Variants in CAMKMT observed in about 807,000 individuals in gnomAD.
CAMKMT encodes calmodulin-lysine N-methyltransferase, also known as CaM KMT.
CAMKMT carries 53 observed loss-of-function variants against 48.0 expected under a neutral mutation model. That is an observed-to-expected ratio of 1.10 (90% CI 0.89 to 1.39). The LOEUF (loss-of-function observed/expected upper bound fraction) is 1.39. Ranked by LOEUF, CAMKMT falls within the 40% of genes most tolerant of loss-of-function variation. CAMKMT has a pLI of 0.00. For missense variants in CAMKMT, 428 were observed against 402.7 expected (o/e 1.06, Z -0.54); for synonymous variants, 165 against 152.3 (o/e 1.08, Z -0.61).
At chr2:44,739,488 G>A (rs1679549269) in intron 7 of CAMKMT, among the ~76,000 whole-genome samples, 1 of 152,200 alleles carries the variant, frequency 6.6e-6, no homozygotes, top group Admixed American at 6.5e-5. Context: ...TAGGGAAAAT[G>A]ATTGGGAATT....
chr2:44,682,042 G>A (rs1004761064), intron 3 of CAMKMT, among the ~76,000 whole-genome samples: 1 of 152,206 alleles, frequency 6.6e-6, no homozygotes, highest in Non-Finnish European at 1.5e-5. Flanking sequence ...CATGCCAGCA[G>A]TTAAAAATAT....
chr2:44,562,200 C>G (rs1558704446), intron 3 of CAMKMT, among the ~76,000 whole-genome samples: 1 of 152,124 alleles, frequency 6.6e-6, no homozygotes, highest in Non-Finnish European at 1.5e-5. Flanking sequence ...AGAGCCATGT[C>G]CCCCTTCCCA....
At chr2:44,415,293 A>G (rs1312398056) in intron 3 of CAMKMT, among the ~76,000 whole-genome samples, 6 of 152,258 alleles carry the variant, frequency 3.9e-5, no homozygotes, top group Admixed American at 3.9e-4. Flanking sequence ...AAGAGTACTT[A>G]AAGAAAATGA....
At chr2:44,607,992 C>G (rs1373991583) in intron 3 of CAMKMT, among the ~76,000 whole-genome samples, 1 of 151,576 alleles carries the variant, frequency 6.6e-6, no homozygotes, top group Admixed American at 6.6e-5. Flanking sequence ...TATGTAAAAT[C>G]ACATACCAGG....
At chr2:44,473,400 T>C (rs567846806) in intron 3 of CAMKMT, among the ~76,000 whole-genome samples, 72 of 152,322 alleles carry the variant, frequency 4.7e-4, no homozygotes, top group Middle Eastern at 3.4e-3. Flanking sequence ...AATCCCATTA[T>C]TGAAGAAGGA....
Position 44,482,289 on chromosome 2 carries a change from T to C in CAMKMT, c.376+91984T>C, listed in dbSNP as rs937921609. Among the ~76,000 whole-genome samples the C allele has an allele frequency of 4.6e-5, 7 of 152,272 alleles. No homozygotes were observed. In the South Asian group the frequency reaches 1.0e-3, roughly 23 times the overall value. ...TTAACCTAGTGTCCATGTGTACGTA[T>C]TGTACATATGACTAGTTTTGTAAGC... On this transcript the variant is annotated intron_variant, in intron 3 of 10. Transcript: ENST00000378494.
chr2:44,646,595 G>C (rs1005338902), intron 3 of CAMKMT, among the ~76,000 whole-genome samples: 3 of 152,088 alleles, frequency 2.0e-5, no homozygotes, highest in African/African-American at 7.2e-5. Flanking sequence ...TTTATACTAA[G>C]GTGAACATTT....
intron 3 of CAMKMT, among the ~76,000 whole-genome samples, chr2:44,430,214 T>C (rs1249234891): frequency 6.6e-6 from 1 of 152,146 alleles, no homozygotes; most frequent in Non-Finnish European, 1.5e-5. Context: ...CCCAAACATA[T>C]GATCTCCATC....
intron 8 of CAMKMT, 100 bp downstream of exon 8, chr2:44,743,796 A>G: frequency 1.2e-6 from 1 of 812,266 alleles, no homozygotes. Context: ...AAGTCAACAA[A>G]TGAAGCACAA....
chr2:44,758,003 T>C (rs1433056272), intron 9 of CAMKMT, among the ~76,000 whole-genome samples: 2 of 152,230 alleles, frequency 1.3e-5, no homozygotes, highest in East Asian at 3.9e-4. Context: ...ACATGTATCC[T>C]GAACACCTGT....
At chr2:44,524,223 A>G (rs1258752875) in intron 3 of CAMKMT, among the ~76,000 whole-genome samples, 3 of 152,144 alleles carry the variant, frequency 2.0e-5, no homozygotes, top group African/African-American at 7.2e-5. Context: ...GGGGACATAG[A>G]ATATAAAAAA....
At chr2:44,373,632 G>A (rs1279219594) in intron 2 of CAMKMT, among the ~76,000 whole-genome samples, 1 of 152,108 alleles carries the variant, frequency 6.6e-6, no homozygotes, top group African/African-American at 2.4e-5. Context: ...GACTGAATAA[G>A]GTTTAGGTGA....
intron 10 of CAMKMT, among the ~76,000 whole-genome samples, chr2:44,768,361 A>ATATATATATATATATTTTT (rs35058824): frequency 3.0e-4 from 35 of 115,704 alleles, no homozygotes; most frequent in African/African-American, 1.3e-3. Flanking sequence ...ATATATATAT[A>ATATATATATATATATTTTT]TTTTTTTTTT....
chr2:44,555,983 GA>G (rs771435264), intron 3 of CAMKMT, among the ~76,000 whole-genome samples: 1 of 152,168 alleles, frequency 6.6e-6, no homozygotes, highest in Non-Finnish European at 1.5e-5. Context: ...GAGTGAATGG[GA>G]GGAGCAGAAG....
At chr2:44,630,088 A>G (rs7583827) in intron 3 of CAMKMT, among the ~76,000 whole-genome samples, 89,249 of 148,770 alleles carry the variant, frequency 0.6, 27,276 homozygotes, top group Middle Eastern at 0.7. Flanking sequence ...CAGAAATAAC[A>G]CCACATATCT....
At chr2:44,458,113 C>T (rs1220112046) in intron 3 of CAMKMT, among the ~76,000 whole-genome samples, 1 of 135,968 alleles carries the variant, frequency 7.4e-6, no homozygotes, top group African/African-American at 2.8e-5. Context: ...GTGGTGCATT[C>T]TCGGCTCACT....
At chr2:44,511,239 T>G (rs1056237924) in intron 3 of CAMKMT, among the ~76,000 whole-genome samples, 4 of 152,230 alleles carry the variant, frequency 2.6e-5, no homozygotes, top group Non-Finnish European at 5.9e-5. Flanking sequence ...GTTGCTTCAC[T>G]TAGAATAATG....
chr2:44,596,472 G>A (rs1301297120), intron 3 of CAMKMT, among the ~76,000 whole-genome samples: 1 of 151,806 alleles, frequency 6.6e-6, no homozygotes, highest in Non-Finnish European at 1.5e-5. Flanking sequence ...AGAAAAAAAA[G>A]AAAAGAAAGA....
intron 3 of CAMKMT, among the ~76,000 whole-genome samples, chr2:44,557,324 T>G (rs1668067688): frequency 6.6e-6 from 1 of 152,138 alleles, no homozygotes; most frequent in Non-Finnish European, 1.5e-5. Flanking sequence ...TGTTAGTACA[T>G]TCTCTTATTT....
Sources: gnomAD v4.1 joint callset for allele counts (sites outside exome capture counted in the v4.1 genomes callset) on GRCh38, gnomAD v4.1.1 for gene constraint, MANE v1.5 for transcripts, NCBI Gene and HGNC (gene_info 2026-07-23, HGNC 2026-07-21) for gene names.